The following VIRMA variants were observed in gnomAD, a reference collection of about 807,000 sequenced individuals.
VIRMA encodes the protein protein virilizer homolog.
Under a neutral mutation model 182.4 loss-of-function variants are expected in VIRMA, and 65 were observed. The ratio of observed to expected loss-of-function variants is 0.36; its 90% confidence interval spans 0.29 to 0.44. The LOEUF (loss-of-function observed/expected upper bound fraction) is 0.44. Ranked by LOEUF, VIRMA falls within the 20% of genes least tolerant of loss-of-function variation. The pLI, the probability that VIRMA is intolerant of heterozygous loss-of-function variation, is 1.00. For synonymous variants in VIRMA, 709 were observed against 743.1 expected, an observed-to-expected ratio of 0.95 and a Z score of 0.75; for missense variants, 1,752 against 2,158.1, an observed-to-expected ratio of 0.81 and a Z score of 3.73.
intron 20 of VIRMA, 93 bp downstream of exon 20, chr8:94,494,767 C>T: frequency 2.6e-6 from 2 of 756,574 alleles, no homozygotes; most frequent in South Asian, 3.8e-5. Flanking sequence ...ACTTTAACAG[C>T]CATAAAATAT....
chr8:94,550,789 G>A (rs557856834), intron 1 of VIRMA, among the ~76,000 whole-genome samples: 109 of 152,076 alleles, frequency 7.2e-4, no homozygotes, highest in African/African-American at 2.5e-3. Context: ...CGTGATCTTG[G>A]CTCACAGCAA....
At chr8:94,553,343 C>A (rs763367037) in intron 1 of VIRMA, 42 bp downstream of exon 1, 25 of 1,596,000 alleles carry the variant, frequency 1.6e-5, no homozygotes, top group Non-Finnish European at 1.8e-5. Context: ...GTAAAGATCC[C>A]AAGTCAAGAA....
At chr8:94,530,722 G>A (rs1334084490) in intron 6 of VIRMA, among the ~76,000 whole-genome samples, 1 of 151,964 alleles carries the variant, frequency 6.6e-6, no homozygotes, top group African/African-American at 2.4e-5. Flanking sequence ...TTCCAGCCTG[G>A]GCAAAATAGT....
At chr8:94,550,757 C>T (rs535235853) in intron 1 of VIRMA, among the ~76,000 whole-genome samples, 3 of 152,048 alleles carry the variant, frequency 2.0e-5, no homozygotes, top group Admixed American at 6.6e-5. Context: ...CTTGCTCTGT[C>T]GCACAGGCTG....
chr8:94,506,013 G>C (rs972738895), intron 16 of VIRMA, among the ~76,000 whole-genome samples: 15 of 152,136 alleles, frequency 9.9e-5, no homozygotes, highest in Non-Finnish European at 1.9e-4. Flanking sequence ...GGTATTATAA[G>C]TAATCTAAGG....
In VIRMA at chr8:94,510,875, A is replaced by T. The variant is rs1814345094; in HGVS notation, c.3391-223T>A. 5.5e-6 allele frequency: 5 copies of T among 908,706 alleles called. No individual in the cohort carries two copies. The Admixed American group carries it at 1.6e-4, about 29-fold the overall frequency. The allele number at this position is 908,706 out of a possible 1,614,324, so 56.3% of individuals were successfully genotyped here. ...GTTGAGCAGAGTCCATTGGTGAAGCAATCTAGTTATTGGCAAATTCTAACA... is the reference window on the plus strand; with the variant it reads ...GTTGAGCAGAGTCCATTGGTGAAGCTATCTAGTTATTGGCAAATTCTAACA... On this transcript the variant is annotated intron_variant, in intron 13 of 23. Coordinates refer to ENST00000297591, the MANE Select transcript of VIRMA (RefSeq NM_015496.5).
At chr8:94,506,421 G>A in intron 16 of VIRMA, 79 bp downstream of exon 16, 4 of 872,942 alleles carry the variant, frequency 4.6e-6, no homozygotes, top group South Asian at 1.7e-5. Context: ...CAATAGGTAT[G>A]AATTAATGTG....
chr8:94,524,912 A>G (rs1188960680), intron 8 of VIRMA, among the ~76,000 whole-genome samples: 1 of 152,168 alleles, frequency 6.6e-6, no homozygotes, highest in Non-Finnish European at 1.5e-5. Flanking sequence ...CTTAGTTTCT[A>G]TTCTCTCCTG....
chr8:94,540,400 A>C (rs1248636361), intron 2 of VIRMA, among the ~76,000 whole-genome samples: 1 of 151,674 alleles, frequency 6.6e-6, no homozygotes, highest in African/African-American at 2.4e-5. Flanking sequence ...CCCAAATTCA[A>C]TCATATGCAC....
chr8:94,531,492 TTAA>T (rs1404552530), intron 5 of VIRMA, among the ~76,000 whole-genome samples: 6 of 152,242 alleles, frequency 3.9e-5, no homozygotes, highest in African/African-American at 1.2e-4. Context: ...TTAATCTATA[TTAA>T]TAACATCGGA....
chr8:94,490,076 T>C lies in VIRMA; in HGVS notation c.5147A>G (p.Tyr1716Cys), dbSNP rs748834374. The C allele has an allele frequency of 3.1e-6, 5 of 1,609,360 alleles. No homozygotes were observed. The highest frequency in any genetic ancestry group is 2.2e-5 in the East Asian group (1 of 44,872). The change falls in exon 23 of 24, where the codon TAC becomes TGC. Residue 1716 changes from tyrosine to cysteine, a missense_variant. This residue lies in a region of VIRMA where 132 missense variants were observed against 173.8 expected (regional missense o/e 0.76). Coordinates refer to ENST00000297591, the MANE Select transcript of VIRMA (RefSeq NM_015496.5). Reference sequence around the variant, plus strand: ...GCCTCTTGTTCCTTCCCGACGACTGTAGTTTCCTAAACACAAACAGCACAA... The same window carrying C: ...GCCTCTTGTTCCTTCCCGACGACTGCAGTTTCCTAAACACAAACAGCACAA... The part of the protein sequence containing the change: ...FFTPPASKGN[Y>C]SRREGTRGSS...
intron 20 of VIRMA, 53 bp downstream of exon 20, chr8:94,494,807 A>C: frequency 4.6e-6 from 5 of 1,086,064 alleles, no homozygotes; most frequent in South Asian, 1.4e-5. Flanking sequence ...ACAATATATA[A>C]AGAAACAGAA....
At chr8:94,505,823 G>T (rs1197101623) in intron 16 of VIRMA, among the ~76,000 whole-genome samples, 1 of 151,896 alleles carries the variant, frequency 6.6e-6, no homozygotes, top group Non-Finnish European at 1.5e-5. Context: ...TTTTGTCCCA[G>T]CCATTCCTCT....
Position 94,491,629 on chromosome 8 carries a change from GTCC to G in VIRMA, c.5086_5088del (p.Gly1696del), listed in dbSNP as rs767519857. The stretch of plus-strand genomic sequence containing the variant: ...CTATTCTGACTGTGGAAAGCACCCC[GTCC>G]TCCTCTATTGCCTGAAAACCCACCA... On this transcript the variant is annotated inframe_deletion, in exon 22 of 24. Coordinates refer to ENST00000297591, the MANE Select transcript of VIRMA (RefSeq NM_015496.5). 1 of 1,614,066 alleles carries G rather than the reference GTCC, an allele frequency of 6.2e-7. No homozygotes were observed. Among genetic ancestry groups the G allele is most frequent in the South Asian group, 1.1e-5 (1 of 91,064 alleles).
In VIRMA at chr8:94,510,472, T is replaced by C. The variant is rs199503113; in HGVS notation, c.3571A>G (p.Thr1191Ala). ...ACAGTTCTCATAATCAGAAGTGCAG[T>C]TGGTGAGGCAAGGTCACACAATTGA... ...CVQLCDLASPTALLIMRTVLD... is the reference protein window; with the variant it reads ...CVQLCDLASPAALLIMRTVLD... The change falls in exon 14 of 24, where the codon ACT becomes GCT. Residue 1191 changes from threonine (T) to alanine (A), a missense_variant. Thr to Ala is a moderately conservative substitution (Grantham distance 58). This residue lies in a region of VIRMA where 777 missense variants were observed against 920.6 expected (regional missense o/e 0.84). Transcript: ENST00000297591. 9.3e-6 allele frequency: 15 copies of C among 1,613,990 alleles called. No homozygotes were observed. The highest frequency in any genetic ancestry group is 1.6e-4 in the Middle Eastern group (1 of 6,082).
intron 16 of VIRMA, 36 bp from the exon 17 acceptor site, chr8:94,499,542 TA>T: frequency 7.5e-7 from 1 of 1,326,982 alleles, no homozygotes. Context: ...GATATTATCT[TA>T]AAATATGAGC....
At chr8:94,529,378 A>G in intron 6 of VIRMA, 36 bp from the exon 7 acceptor site, 1 of 1,246,808 alleles carries the variant, frequency 8.0e-7, no homozygotes, top group Non-Finnish European at 1.2e-6. Context: ...GACTATTTTA[A>G]TGGTTTAAAT....
At chr8:94,545,531 C>T (rs1410126286) in intron 1 of VIRMA, among the ~76,000 whole-genome samples, 3 of 152,096 alleles carry the variant, frequency 2.0e-5, no homozygotes, top group African/African-American at 4.8e-5. Flanking sequence ...TATTAAATGT[C>T]GACTATGTTC....
intron 11 of VIRMA, among the ~76,000 whole-genome samples, chr8:94,514,523 A>G (rs1814490465): frequency 6.6e-6 from 1 of 152,244 alleles, no homozygotes; most frequent in Non-Finnish European, 1.5e-5. Context: ...CAGAAATTAA[A>G]GTTTAGCTAA....
Sources: gnomAD v4.1 joint callset for allele counts (sites outside exome capture counted in the v4.1 genomes callset) on GRCh38, gnomAD v4.1.1 for gene constraint, gnomAD v4.1.1 regional missense constraint, MANE v1.5 for transcripts, NCBI Gene and HGNC (gene_info 2026-07-23, HGNC 2026-07-21) for gene names.